The following KIF26B variants were observed in gnomAD, a reference collection of about 807,000 sequenced individuals.
KIF26B encodes the protein kinesin-like protein KIF26B.
Under a neutral mutation model 151.2 loss-of-function variants are expected in KIF26B, and 63 were observed. That is an observed-to-expected ratio of 0.42 (90% CI 0.34 to 0.51). KIF26B has a LOEUF of 0.51. Ranked by LOEUF, KIF26B falls within the 20% of genes least tolerant of loss-of-function variation. KIF26B has a pLI of 0.07. For missense variants in KIF26B, 2,813 were observed against 2,913.6 expected (o/e 0.97, Z 0.79); for synonymous variants, 1,357 against 1,262.1 (o/e 1.08, Z -1.59).
At chr1:245,196,645 G>T (rs573637160) in intron 2 of KIF26B, among the ~76,000 whole-genome samples, 14 of 152,258 alleles carry the variant, frequency 9.2e-5, no homozygotes, top group African/African-American at 3.4e-4. Flanking sequence ...AGCCAGACAG[G>T]TGTGGCTTAA....
At position 245,564,818 on chromosome 1, in the gene KIF26B, C is replaced by A. The variant is rs767630816; in HGVS notation, c.1350+23868C>A. Among the ~76,000 whole-genome samples the A allele has an allele frequency of 2.0e-5, 3 of 152,186 alleles. No homozygotes were observed. Among genetic ancestry groups the A allele is most frequent in the Non-Finnish European group, 4.4e-5 (3 of 68,042 alleles). ...AGTGCATTCCATTTATCATTAGATT[C>A]TCTCAAGGAGCGTGCAACCTAGACC... On this transcript the variant is annotated intron_variant, in intron 5 of 14. Coordinates refer to ENST00000407071, the MANE Select transcript of KIF26B (RefSeq NM_018012.4). This position sits in a 1 kb window ranked among gnomAD's most constrained non-coding sequence, Gnocchi z 4.6.
intron 2 of KIF26B, among the ~76,000 whole-genome samples, chr1:245,361,661 G>T (rs1160854087): frequency 6.6e-6 from 1 of 152,174 alleles, no homozygotes; most frequent in Non-Finnish European, 1.5e-5. Context: ...AGGGGTGCAG[G>T]GGTGCACCTG....
At chr1:245,696,503 A>G (rs2044695143) in intron 12 of KIF26B, among the ~76,000 whole-genome samples, 1 of 152,032 alleles carries the variant, frequency 6.6e-6, no homozygotes, top group African/African-American at 2.4e-5. Context: ...TGTGAGATCA[A>G]TGTTTGTTGT....
chr1:245,511,268 T>G, intron 4 of KIF26B: 2 of 622,904 alleles, frequency 3.2e-6, no homozygotes, highest in Non-Finnish European at 2.9e-6. Flanking sequence ...GTTAGGAGGG[T>G]CCAGGTTGTG....
intron 2 of KIF26B, among the ~76,000 whole-genome samples, chr1:245,173,074 A>G (rs1668741353): frequency 6.6e-6 from 1 of 152,252 alleles, no homozygotes; most frequent in African/African-American, 2.4e-5. Context: ...CAGCCCTAAA[A>G]AAAGGAGATT....
chr1:245,287,526 G>A (rs1671186413), intron 2 of KIF26B, among the ~76,000 whole-genome samples: 2 of 140,508 alleles, frequency 1.4e-5, no homozygotes, highest in South Asian at 2.2e-4. Context: ...TTCCTGTGGC[G>A]GAGTTTCGCT....
intron 2 of KIF26B, among the ~76,000 whole-genome samples, chr1:245,200,202 G>T (rs770093190): frequency 1.1e-4 from 16 of 152,126 alleles, no homozygotes; most frequent in African/African-American, 3.9e-4. Flanking sequence ...CCTAAATCTC[G>T]TTTTCACAGA....
intron 2 of KIF26B, among the ~76,000 whole-genome samples, chr1:245,267,565 A>T (rs1249703234): frequency 6.6e-6 from 1 of 151,700 alleles, no homozygotes; most frequent in Non-Finnish European, 1.5e-5. Flanking sequence ...CATATGTGAT[A>T]GCTCTGCTCA....
In KIF26B at chr1:245,437,083, C is replaced by T. The variant is rs564107209; in HGVS notation, c.1166+17338C>T. On this transcript the variant is annotated intron_variant, in intron 4 of 14. Transcript: ENST00000407071. ...TGTAATTTTAGTAGAGATGGGATTC[C>T]GCCATGTTGCCCAGGCTGGTCTCAA... Among the ~76,000 whole-genome samples the T allele has an allele frequency of 1.2e-4, 18 of 152,142 alleles. No homozygotes were observed. In the South Asian group the frequency reaches 1.2e-3, roughly 11 times the overall value.
At chr1:245,231,195 G>A (rs1238593424) in intron 2 of KIF26B, among the ~76,000 whole-genome samples, 1 of 152,078 alleles carries the variant, frequency 6.6e-6, no homozygotes, top group Non-Finnish European at 1.5e-5. Flanking sequence ...TGAAGAACAA[G>A]CAGATGGAAT....
chr1:245,478,184 T>C (rs1230316725), intron 4 of KIF26B, among the ~76,000 whole-genome samples: 1 of 151,886 alleles, frequency 6.6e-6, no homozygotes, highest in Non-Finnish European at 1.5e-5. Flanking sequence ...CCTTTCTGTG[T>C]CTGACTAGTA....
intron 2 of KIF26B, among the ~76,000 whole-genome samples, chr1:245,181,997 T>A (rs527948048): frequency 3.7e-4 from 56 of 152,304 alleles, no homozygotes; most frequent in African/African-American, 1.3e-3. Flanking sequence ...GCCATAAAAT[T>A]CACCTGTTTT....
At chr1:245,500,802 T>C (rs1382289686) in intron 4 of KIF26B, among the ~76,000 whole-genome samples, 2 of 152,210 alleles carry the variant, frequency 1.3e-5, no homozygotes, top group African/African-American at 4.8e-5. Context: ...GATAAGAATG[T>C]GATGAATTAA....
chr1:245,631,071 G>T (rs977257408), intron 9 of KIF26B, among the ~76,000 whole-genome samples: 1 of 152,144 alleles, frequency 6.6e-6, no homozygotes, highest in Non-Finnish European at 1.5e-5. Context: ...CATCTGCAGA[G>T]AGGAACAATT....
At chr1:245,312,543 G>T (rs1036851176) in intron 2 of KIF26B, among the ~76,000 whole-genome samples, 15 of 151,980 alleles carry the variant, frequency 9.9e-5, no homozygotes, top group African/African-American at 3.6e-4. Flanking sequence ...GTAGGAAAAT[G>T]GTCACAGGAG....
chr1:245,216,373 T>G (rs4454577), intron 2 of KIF26B: 149,820 of 150,252 alleles, frequency 1, 74,697 homozygotes, highest in Middle Eastern at 1. Context: ...CTCAGAGACT[T>G]GCAACCTTTA....
chr1:245,407,441 C>A (rs1368874674), intron 3 of KIF26B, among the ~76,000 whole-genome samples: 2 of 152,048 alleles, frequency 1.3e-5, no homozygotes, highest in Admixed American at 6.6e-5. Flanking sequence ...TTGTTTTTCT[C>A]TTTTTTCTTC....
chr1:245,387,021 G>T (rs1673563570), intron 3 of KIF26B, among the ~76,000 whole-genome samples: 1 of 152,072 alleles, frequency 6.6e-6, no homozygotes, highest in Admixed American at 6.5e-5. Flanking sequence ...GAATTCCCCT[G>T]CGCATCTGAA....
At chr1:245,644,755 T>G (rs1188026043) in intron 9 of KIF26B, among the ~76,000 whole-genome samples, 1 of 152,190 alleles carries the variant, frequency 6.6e-6, no homozygotes, top group East Asian at 1.9e-4. Context: ...CACCATTATC[T>G]CCAATCTTTT....
Sources: allele counts gnomAD v4.1 joint callset (sites outside exome capture counted in the v4.1 genomes callset), GRCh38; gene constraint gnomAD v4.1.1; non-coding constraint Gnocchi (gnomAD v3.1); transcripts MANE v1.5; gene names NCBI Gene and HGNC (gene_info 2026-07-23, HGNC 2026-07-21).